Variants in TMEM108 observed in about 807,000 individuals in gnomAD.
The protein encoded by TMEM108 is cancer/testis antigen 124.
In TMEM108, 12 loss-of-function variants were observed where a neutral mutation model predicts 35.1. The ratio of observed to expected loss-of-function variants is 0.34; its 90% CI spans 0.22 to 0.55. The LOEUF is 0.55. Among genes scored for constraint, TMEM108 ranks in the 20% least tolerant of loss-of-function variants. The probability of loss-of-function intolerance (pLI) is 0.89; values close to 1 mark genes in which losing one functional copy is unlikely to be tolerated. For missense variants in TMEM108, 680 were observed against 753.3 expected (o/e 0.90, Z 1.14); for synonymous variants, 287 against 308.6 (o/e 0.93, Z 0.73).
At chr3:133,071,881 C>A (rs1943679964) in intron 2 of TMEM108, among the ~76,000 whole-genome samples, 1 of 152,094 alleles carries the variant, frequency 6.6e-6, no homozygotes, top group African/African-American at 2.4e-5. Context: ...GTTGCCAGTG[C>A]TTCTGATATC....
At chr3:133,347,235 A>G (rs979455271) in intron 3 of TMEM108, among the ~76,000 whole-genome samples, 1 of 152,128 alleles carries the variant, frequency 6.6e-6, no homozygotes, top group African/African-American at 2.4e-5. Context: ...AAGAACTGAC[A>G]TCTTCACAAT....
chr3:133,123,589 A>C (rs13073208), intron 2 of TMEM108, among the ~76,000 whole-genome samples: 48,287 of 152,206 alleles, frequency 0.32, 9,067 homozygotes, highest in Non-Finnish European at 0.42. Flanking sequence ...AGGTTCATTT[A>C]AGCAAATGCT....
At chr3:133,283,986 G>T (rs549037361) in intron 3 of TMEM108, among the ~76,000 whole-genome samples, 1 of 152,158 alleles carries the variant, frequency 6.6e-6, no homozygotes, top group South Asian at 2.1e-4. Flanking sequence ...CGTCACATGT[G>T]CCTAGTGGCT....
intron 1 of TMEM108, among the ~76,000 whole-genome samples, chr3:133,040,316 G>T (rs911136425): frequency 6.7e-6 from 1 of 149,786 alleles, no homozygotes; most frequent in Non-Finnish European, 1.5e-5. Context: ...CGATTCTCCT[G>T]CCTCAGCCTC....
In TMEM108 at chr3:133,304,649, T is replaced by A. The variant is rs188445493; in HGVS notation, c.41-75103T>A. On this transcript the variant is annotated intron_variant, in intron 3 of 5. Coordinates refer to ENST00000321871, the MANE Select transcript of TMEM108 (RefSeq NM_023943.4). ...TTTACTATGCATAATGTTTTTGAGG[T>A]TTATTCATGTTATAGCCTGTATCAA... Among the ~76,000 whole-genome samples the A allele has an allele frequency of 6.6e-4, 100 of 152,260 alleles. 1 individual carries two copies. In the East Asian group the frequency reaches 0.012, roughly 18 times the overall value.
chr3:133,379,424 C>A (rs1401806569), intron 3 of TMEM108, among the ~76,000 whole-genome samples: 3 of 152,190 alleles, frequency 2.0e-5, no homozygotes, highest in African/African-American at 7.2e-5. Flanking sequence ...ACACCTCCAG[C>A]CCCAGCCTGT....
chr3:133,167,451 G>T (rs1347152185), intron 2 of TMEM108, among the ~76,000 whole-genome samples: 2 of 152,280 alleles, frequency 1.3e-5, no homozygotes, highest in Non-Finnish European at 2.9e-5. Flanking sequence ...GCAGGGGGTG[G>T]TGCCCGTCAG....
At chr3:133,200,288 C>G (rs1945643778) in intron 2 of TMEM108, among the ~76,000 whole-genome samples, 1 of 152,140 alleles carries the variant, frequency 6.6e-6, no homozygotes, top group African/African-American at 2.4e-5. Flanking sequence ...ACCCACCGTC[C>G]AACAAGCCCC....
intron 4 of TMEM108, chr3:133,386,834 C>A: frequency 3.0e-6 from 2 of 659,626 alleles, no homozygotes; most frequent in Non-Finnish European, 3.8e-6. Flanking sequence ...AAGACCTGGA[C>A]TCAAGTTGCA....
chr3:133,371,967 T>C (rs2072689425), intron 3 of TMEM108, among the ~76,000 whole-genome samples: 1 of 152,114 alleles, frequency 6.6e-6, no homozygotes, highest in Admixed American at 6.5e-5. Context: ...GAGATAAGCT[T>C]ATAGGTTATA....
At chr3:133,181,016 A>AAAAAAAAAAAAAAC (rs1945331555) in intron 2 of TMEM108, among the ~76,000 whole-genome samples, 1 of 74,538 alleles carries the variant, frequency 1.3e-5, no homozygotes. Flanking sequence ...GTTAAAAAAA[A>AAAAAAAAAAAAAAC]AAAAAAAAAA....
rs376902122 is a variant in TMEM108 at position 133,374,657 on chromosome 3, A to G, written c.41-5095A>G. Among the ~76,000 whole-genome samples the G allele has an allele frequency of 2.0e-5, 3 of 151,958 alleles. No individual in the cohort carries two copies. In the East Asian group the frequency reaches 5.8e-4, roughly 29 times the overall value. On this transcript the variant is annotated intron_variant, in intron 3 of 5. Coordinates refer to ENST00000321871, the MANE Select transcript of TMEM108 (RefSeq NM_023943.4). ...GTATGAGATGTTAGGATTGGGGAAG[A>G]GGAGAGAATTAAATCAGGGGCTTCC...
intron 2 of TMEM108, among the ~76,000 whole-genome samples, chr3:133,108,240 A>T (rs976715798): frequency 6.6e-6 from 1 of 151,966 alleles, no homozygotes; most frequent in Non-Finnish European, 1.5e-5. Context: ...TAAAAAAAAA[A>T]GTTGTTCGTT....
intron 2 of TMEM108, among the ~76,000 whole-genome samples, chr3:133,202,836 G>A (rs145740462): frequency 0.015 from 2,284 of 152,266 alleles, 76 homozygotes; most frequent in African/African-American, 0.051. Flanking sequence ...AAGAAAGTCA[G>A]TGGTAGCTTG....
intron 2 of TMEM108, among the ~76,000 whole-genome samples, chr3:133,153,213 G>T (rs183966103): frequency 2.6e-5 from 4 of 152,076 alleles, no homozygotes; most frequent in Non-Finnish European, 5.9e-5. Flanking sequence ...CTCATAAATT[G>T]TTCGATTCCA....
At chr3:133,334,508 G>A (rs940413572) in intron 3 of TMEM108, among the ~76,000 whole-genome samples, 4 of 152,166 alleles carry the variant, frequency 2.6e-5, no homozygotes, top group African/African-American at 4.8e-5. Context: ...CATGGGATCA[G>A]CCAGGAGGAC....
chr3:133,369,560 G>A (rs549139643), intron 3 of TMEM108, among the ~76,000 whole-genome samples: 34 of 152,182 alleles, frequency 2.2e-4, no homozygotes, highest in Non-Finnish European at 4.7e-4. Context: ...TGTTCAGGTT[G>A]TTGTCTCTCT....
chr3:133,114,879 A>G (rs1166978346), intron 2 of TMEM108, among the ~76,000 whole-genome samples: 1 of 152,152 alleles, frequency 6.6e-6, no homozygotes, highest in Non-Finnish European at 1.5e-5. Flanking sequence ...ACATTGGGAA[A>G]AACACCCCAG....
At chr3:133,068,399 G>C (rs1190081002) in intron 2 of TMEM108, among the ~76,000 whole-genome samples, 2 of 152,110 alleles carry the variant, frequency 1.3e-5, no homozygotes, top group East Asian at 3.8e-4. Context: ...CTTGAGGCAG[G>C]ATAAAACTGG....
Sources: gnomAD v4.1 joint callset for allele counts (sites outside exome capture counted in the v4.1 genomes callset) on GRCh38, gnomAD v4.1.1 for gene constraint, MANE v1.5 for transcripts, NCBI Gene and HGNC (gene_info 2026-07-23, HGNC 2026-07-21) for gene names.